Variants in WDPCP observed in about 807,000 individuals in gnomAD.
The protein encoded by WDPCP is WD repeat-containing and planar cell polarity effector protein fritz homolog.
A neutral mutation model predicts 93.1 loss-of-function variants in WDPCP; 71 were observed. That is an observed-to-expected ratio of 0.76 (90% confidence interval 0.63 to 0.93). The LOEUF is 0.93. Ranked by LOEUF, WDPCP falls within the 40% of genes least tolerant of loss-of-function variation. The pLI is 0.00. For missense variants in WDPCP, 844 were observed against 887.4 expected (o/e 0.95, Z 0.62); for synonymous variants, 315 against 315.0 (o/e 1.00, Z 0.00).
At chr2:63,668,278 A>G (rs540483563) in intron 2 of WDPCP, among the ~76,000 whole-genome samples, 34 of 151,734 alleles carry the variant, frequency 2.2e-4, no homozygotes, top group Non-Finnish European at 3.4e-4. Flanking sequence ...CTCTCCCACC[A>G]CTCCCCAAGC....
chr2:63,511,447 C>T (rs933549721), intron 1 of WDPCP, among the ~76,000 whole-genome samples: 8 of 152,162 alleles, frequency 5.3e-5, no homozygotes, highest in Non-Finnish European at 7.4e-5. Flanking sequence ...CAAGACAATC[C>T]TAAGCAAAAA....
At chr2:63,162,502 A>G (rs1672709889) in intron 15 of WDPCP, among the ~76,000 whole-genome samples, 1 of 152,178 alleles carries the variant, frequency 6.6e-6, no homozygotes, top group Non-Finnish European at 1.5e-5. Context: ...AGAGCTGACA[A>G]TCAGTGAAAA....
chr2:63,585,341 C>G (rs1203335222), intron 1 of WDPCP, among the ~76,000 whole-genome samples: 1 of 151,894 alleles, frequency 6.6e-6, no homozygotes, highest in Admixed American at 6.6e-5. Context: ...CTTAAGCCAA[C>G]AAATAATTTC....
At chr2:63,269,536 C>T (rs1682449102) in intron 13 of WDPCP, among the ~76,000 whole-genome samples, 1 of 151,870 alleles carries the variant, frequency 6.6e-6, no homozygotes, top group Admixed American at 6.6e-5. Flanking sequence ...AAATTTACAG[C>T]AAAAAAAGCA....
chr2:63,633,063 T>C (rs1479078247), intron 3 of WDPCP, among the ~76,000 whole-genome samples: 1 of 151,504 alleles, frequency 6.6e-6, no homozygotes, highest in Non-Finnish European at 1.5e-5. Context: ...CAGGAGAGAG[T>C]GAGATATATT....
chr2:63,722,420 G>A lies in WDPCP; in HGVS notation n.309-71582C>T, dbSNP rs1421995237. Reference sequence around the variant, plus strand: ...GTGAGGAGCACCTCTGCCCGGCCGCGACCCCATCTGGGAGGTGAGGAGCAT... The same window carrying A: ...GTGAGGAGCACCTCTGCCCGGCCGCAACCCCATCTGGGAGGTGAGGAGCAT... On this transcript the variant is annotated intron_variant and non_coding_transcript_variant, in intron 2 of 4. Transcript: ENST00000467687. 6.3e-5 allele frequency among the ~76,000 whole-genome samples: 8 copies of A among 127,072 alleles called. No individual in the cohort carries two copies. The South Asian group carries it at 1.1e-3, about 17-fold the overall frequency. The allele number at this position is 127,072 out of a possible 152,430, so 83.4% of individuals were successfully genotyped here.
intron 6 of WDPCP, among the ~76,000 whole-genome samples, chr2:63,467,814 A>G (rs992876407): frequency 2.6e-5 from 4 of 151,110 alleles, no homozygotes; most frequent in African/African-American, 9.7e-5. Context: ...CCCAAGGAAG[A>G]CTAATTATCA....
At chr2:63,152,208 T>C (rs1671931355) in intron 17 of WDPCP, among the ~76,000 whole-genome samples, 1 of 152,024 alleles carries the variant, frequency 6.6e-6, no homozygotes, top group Non-Finnish European at 1.5e-5. Context: ...AAAGAGAGAA[T>C]GACATTTGCA....
At position 63,763,649 on chromosome 2, in the gene WDPCP, C is replaced by T. The variant is rs995277595; in HGVS notation, n.308+49973G>A. ...GAAACCAAAATTCCTCTCATATATT[C>T]GGAAATGTAGCACAAAAAAGTGTTT... On this transcript the variant is annotated intron_variant and non_coding_transcript_variant, in intron 2 of 4. Transcript: ENST00000467687. Among the ~76,000 whole-genome samples, 28 of 151,910 alleles carry T rather than the reference C, an allele frequency of 1.8e-4. 1 individual carries two copies. The highest frequency in any genetic ancestry group is 2.5e-4 in the Non-Finnish European group (17 of 67,996).
chr2:63,715,356 A>G (rs1333464100), intron 2 of WDPCP, among the ~76,000 whole-genome samples: 1 of 152,260 alleles, frequency 6.6e-6, no homozygotes, highest in Admixed American at 6.5e-5. Context: ...TGCATTAAGT[A>G]TGATGCAACT....
chr2:63,564,586 C>T (rs909523980), intron 1 of WDPCP: 5 of 152,112 alleles, frequency 3.3e-5, no homozygotes, highest in Admixed American at 3.3e-4. Flanking sequence ...CCAGATAGCA[C>T]AATTAACTTT....
chr2:63,821,822 G>C (rs919220252), intron 1 of WDPCP, among the ~76,000 whole-genome samples: 4 of 152,058 alleles, frequency 2.6e-5, no homozygotes, highest in Admixed American at 2.6e-4. Flanking sequence ...CAAAATTGAG[G>C]ATATCAAAGG....
chr2:63,130,828 A>G (rs767312092), intron 17 of WDPCP, among the ~76,000 whole-genome samples: 1 of 151,910 alleles, frequency 6.6e-6, no homozygotes, highest in Non-Finnish European at 1.5e-5. Context: ...ATTGCTGTCT[A>G]TTTCTTTCTT....
chr2:63,455,309 C>T (rs1165570175), intron 6 of WDPCP, among the ~76,000 whole-genome samples: 2 of 151,674 alleles, frequency 1.3e-5, no homozygotes, highest in African/African-American at 2.4e-5. Flanking sequence ...TGAATGTAAA[C>T]AGATTAGATT....
intron 17 of WDPCP, among the ~76,000 whole-genome samples, chr2:63,125,735 A>T (rs929947726): frequency 6.6e-6 from 1 of 151,694 alleles, no homozygotes; most frequent in Admixed American, 6.6e-5. Context: ...CAGCCTTCTG[A>T]GTAGCTGAGA....
rs1454916400 is a variant in WDPCP at position 63,259,214 on chromosome 2, CAAATT to C, written c.1915+88_1915+92del. On this transcript the variant is annotated intron_variant, in intron 14 of 17. Transcript: ENST00000272321. The stretch of plus-strand genomic sequence containing the variant: ...CACTGTCTTTACAAACAAAGTAATT[CAAATT>C]AACCATCCATGTCCTCCAAACATAA... 4 of 1,094,774 alleles carry C rather than the reference CAAATT, an allele frequency of 3.7e-6. No homozygotes were observed. In the African/African-American group the frequency reaches 6.2e-5, roughly 17 times the overall value. The allele number at this position is 1,094,774 out of a possible 1,614,324, so 67.8% of individuals were successfully genotyped here.
chr2:63,299,176 C>T (rs960840462), intron 13 of WDPCP, among the ~76,000 whole-genome samples: 3 of 152,336 alleles, frequency 2.0e-5, no homozygotes, highest in East Asian at 3.9e-4. Context: ...ATAGTAGCCA[C>T]ATTGTGAGTC....
intron 2 of WDPCP, among the ~76,000 whole-genome samples, chr2:63,766,275 T>C (rs1160198257): frequency 2.0e-5 from 3 of 152,160 alleles, no homozygotes. Context: ...ATTTAAGGTA[T>C]GTTTTTAAAA....
At chr2:63,618,993 T>C (rs991048425) in intron 3 of WDPCP, among the ~76,000 whole-genome samples, 1 of 152,208 alleles carries the variant, frequency 6.6e-6, no homozygotes, top group African/African-American at 2.4e-5. Context: ...CCAGCCTGGA[T>C]AATCATTTTT....
Sources: gnomAD v4.1 joint callset for allele counts (sites outside exome capture counted in the v4.1 genomes callset) on GRCh38, gnomAD v4.1.1 for gene constraint, MANE v1.5 for transcripts, NCBI Gene and HGNC (gene_info 2026-07-23, HGNC 2026-07-21) for gene names.